ROBO2: variants seen among roughly 807,000 people sequenced by gnomAD.
ROBO2 encodes roundabout homolog 2.
ROBO2 carries 53 observed loss-of-function variants against 160.8 expected under a neutral mutation model. The observed-to-expected ratio is 0.33, with a 90% CI of 0.26 to 0.41. The LOEUF (loss-of-function observed/expected upper bound fraction) is 0.41. Ranked by LOEUF, ROBO2 falls within the 10% of genes least tolerant of loss-of-function variation. The pLI, the probability that ROBO2 is intolerant of heterozygous loss-of-function variation, is 1.00. For synonymous variants in ROBO2, 664 were observed against 611.7 expected (o/e 1.09, Z -1.26); for missense variants, 1,577 against 1,722.4 (o/e 0.92, Z 1.49).
chr3:76,277,783 C>T (rs1708012062), intron 2 of ROBO2, among the ~76,000 whole-genome samples: 1 of 151,756 alleles, frequency 6.6e-6, no homozygotes, highest in Non-Finnish European at 1.5e-5. Context: ...GGTTTTTATT[C>T]TCATATATAT....
rs71104695 is a variant in ROBO2 at position 77,640,097 on chromosome 3, A to ATTTTTTT, written c.3935-4581_3935-4575dup. Among the ~76,000 whole-genome samples, 184 of 65,486 alleles carry ATTTTTTT rather than the reference A, an allele frequency of 2.8e-3. 13 individuals are homozygous for ATTTTTTT. The highest frequency in any genetic ancestry group is 7.1e-3 in the African/African-American group (109 of 15,408). 43.0% of individuals were successfully genotyped at this position (65,486 alleles called of 152,430 possible). A position where few individuals can be genotyped will look rare whatever the true frequency, so the allele number is the denominator to read the frequency against. ...AGAGAAGAAACACTGCAGAGGAAGCATTTTTTTTTTTTTTTTTTTTTTTTT... is the reference window on the plus strand; with the variant it reads ...AGAGAAGAAACACTGCAGAGGAAGCATTTTTTTTTTTTTTTTTTTTTTTTTTTTTTTT... On this transcript the variant is annotated intron_variant, in intron 24 of 25. Coordinates refer to ENST00000461745, the Ensembl canonical transcript of ROBO2.
chr3:77,439,026 A>G (rs1437956403), intron 2 of ROBO2, among the ~76,000 whole-genome samples: 1 of 152,000 alleles, frequency 6.6e-6, no homozygotes, highest in Non-Finnish European at 1.5e-5. Flanking sequence ...AATAATAACC[A>G]TGATGGGGGA....
chr3:76,932,774 C>A (rs767015815), intron 2 of ROBO2, among the ~76,000 whole-genome samples: 7 of 152,064 alleles, frequency 4.6e-5, no homozygotes, highest in Non-Finnish European at 1.0e-4. Flanking sequence ...ATGTTCACTA[C>A]CAACATAAAA....
intron 6 of ROBO2, among the ~76,000 whole-genome samples, chr3:77,532,752 G>A (rs1238062704): frequency 6.6e-6 from 1 of 151,332 alleles, no homozygotes; most frequent in Non-Finnish European, 1.5e-5. Flanking sequence ...TTCTTGTTAA[G>A]CTCTAATATA....
chr3:76,629,679 G>C (rs1386613431), intron 2 of ROBO2, among the ~76,000 whole-genome samples: 1 of 152,152 alleles, frequency 6.6e-6, no homozygotes, highest in Non-Finnish European at 1.5e-5. Flanking sequence ...TCACAGACAC[G>C]CCCAGAAACA....
At position 77,040,890 on chromosome 3, in the gene ROBO2, C is replaced by G. The variant is rs367742808; in HGVS notation, c.61+44C>G. The G allele has an allele frequency of 5.7e-5, 92 of 1,610,362 alleles. No homozygotes were observed. In the East Asian group the frequency reaches 1.3e-3, roughly 23 times the overall value. On this transcript the variant is annotated intron_variant, in intron 1 of 25. Coordinates refer to ENST00000461745, the Ensembl canonical transcript of ROBO2. ...CATCTTTTTTTGCGCCCCCCACCCC[C>G]CAATCCCCCAAAACCATTTCTTTTT... is the stretch of plus-strand genomic sequence containing the variant.
At chr3:77,472,479 A>C (rs889360628) in intron 2 of ROBO2, among the ~76,000 whole-genome samples, 48 of 152,180 alleles carry the variant, frequency 3.2e-4, no homozygotes, top group Non-Finnish European at 4.1e-4. Context: ...TAATTTCCTA[A>C]GTCATGGTGC....
chr3:77,598,713 C>A (rs1347540042), intron 19 of ROBO2, among the ~76,000 whole-genome samples: 1 of 151,926 alleles, frequency 6.6e-6, no homozygotes, highest in Admixed American at 6.6e-5. Flanking sequence ...CCCTAAGTGA[C>A]CCGACTGTGA....
intron 1 of ROBO2, among the ~76,000 whole-genome samples, chr3:75,911,147 A>G (rs6419802): frequency 0.85 from 129,284 of 152,086 alleles, 55,016 homozygotes; most frequent in East Asian, 0.93. Context: ...TAGGACAAAT[A>G]TGTTGAACTG....
intron 2 of ROBO2, among the ~76,000 whole-genome samples, chr3:76,796,505 A>C (rs540037330): frequency 5.8e-4 from 72 of 124,844 alleles, no homozygotes; most frequent in Non-Finnish European, 1.0e-3. Context: ...GGAAGGAAAG[A>C]AGGAAAGAAG....
rs1169482240 is a variant in ROBO2, at chr3:77,527,397, C to G, written c.934+4495C>G. The G allele has an allele frequency of 1.2e-5, 15 of 1,287,904 alleles. No homozygotes were observed. Among genetic ancestry groups the G allele is most frequent in the Non-Finnish European group, 1.5e-5 (15 of 987,888 alleles). The allele number at this position is 1,287,904 out of a possible 1,614,324, so 79.8% of individuals were successfully genotyped here. A position where few individuals can be genotyped will look rare whatever the true frequency, so the allele number is the denominator to read the frequency against. On this transcript the variant is annotated intron_variant, in intron 6 of 25. Coordinates refer to ENST00000461745, the Ensembl canonical transcript of ROBO2. Reference sequence around the variant, plus strand: ...TGTTCTCACCACACCATTGTAATGTCTACAGCTCGCCCTGTTGGTAAGTAG... The same window carrying G: ...TGTTCTCACCACACCATTGTAATGTGTACAGCTCGCCCTGTTGGTAAGTAG...
intron 2 of ROBO2, among the ~76,000 whole-genome samples, chr3:77,165,115 G>C (rs1470043200): frequency 1.3e-5 from 2 of 151,956 alleles, no homozygotes; most frequent in South Asian, 4.1e-4. Flanking sequence ...TTTGTGGAAT[G>C]GAAAGGGGGG....
At chr3:77,142,711 A>G (rs2076802826) in intron 2 of ROBO2, among the ~76,000 whole-genome samples, 1 of 152,080 alleles carries the variant, frequency 6.6e-6, no homozygotes, top group Non-Finnish European at 1.5e-5. Context: ...CACAGGGCCT[A>G]TTACTTCTGC....
At chr3:77,497,585 A>G (rs1336547076) in intron 5 of ROBO2, among the ~76,000 whole-genome samples, 1 of 152,160 alleles carries the variant, frequency 6.6e-6, no homozygotes, top group Non-Finnish European at 1.5e-5. Flanking sequence ...AATACAGTAA[A>G]GAAGTAAATT....
intron 2 of ROBO2, among the ~76,000 whole-genome samples, chr3:76,049,401 A>ATTTTTTTTTTTTTTTTT (rs1306305555): frequency 9.4e-5 from 6 of 63,736 alleles, no homozygotes; most frequent in Non-Finnish European, 1.5e-4. Flanking sequence ...ATATATATAT[A>ATTTTTTTTTTTTTTTTT]TATTTTTTTT....
chr3:76,421,170 C>T (rs564424470), intron 2 of ROBO2, among the ~76,000 whole-genome samples: 3 of 150,892 alleles, frequency 2.0e-5, no homozygotes, highest in East Asian at 2.0e-4. Flanking sequence ...TCTATTTTAG[C>T]TCTACACATA....
At chr3:77,324,247 G>A (rs1294169045) in intron 2 of ROBO2, among the ~76,000 whole-genome samples, 2 of 152,106 alleles carry the variant, frequency 1.3e-5, no homozygotes, top group Middle Eastern at 3.2e-3. Flanking sequence ...TTCCTAGCAT[G>A]GACTCAAAAG....
chr3:77,304,915 A>G (rs1298024713), intron 2 of ROBO2, among the ~76,000 whole-genome samples: 1 of 152,160 alleles, frequency 6.6e-6, no homozygotes, highest in Non-Finnish European at 1.5e-5. Flanking sequence ...ATGCATTTGT[A>G]AGTCTGCAGT....
chr3:77,394,302 G>A (rs903117972), intron 2 of ROBO2, among the ~76,000 whole-genome samples: 1 of 152,112 alleles, frequency 6.6e-6, no homozygotes, highest in African/African-American at 2.4e-5. Context: ...GGTTTTCATG[G>A]CAGTGGCTTC....
Sources: gnomAD v4.1 joint callset for allele counts (sites outside exome capture counted in the v4.1 genomes callset) on GRCh38, gnomAD v4.1.1 for gene constraint, MANE v1.5 for transcripts, NCBI Gene and HGNC (gene_info 2026-07-23, HGNC 2026-07-21) for gene names.